The following CAMSAP3 variants were observed in gnomAD, a reference collection of about 807,000 sequenced individuals.
CAMSAP3 encodes calmodulin regulated spectrin associated protein family member 3.
In CAMSAP3, 34 loss-of-function variants were observed where a neutral mutation model predicts 112.5. The observed-to-expected ratio is 0.30, with a 90% CI of 0.23 to 0.40. The LOEUF is 0.40. CAMSAP3 is among the 10% of genes least tolerant of loss of function. The probability of loss-of-function intolerance (pLI) is 1.00; values close to 1 mark genes in which losing one functional copy is unlikely to be tolerated. For missense variants in CAMSAP3, 1,602 were observed against 1,770.3 expected, an observed-to-expected ratio of 0.90 and a Z score of 1.71; for synonymous variants, 868 against 799.8, an observed-to-expected ratio of 1.09 and a Z score of -1.44.
chr19:7,617,849 A>C lies in CAMSAP3; in HGVS notation c.3542A>C (p.Glu1181Ala). Residue 1181 changes from glutamate to alanine, a missense_variant, in exon 17 of 17, where the codon GAG becomes GCG. By Grantham distance (107) the Glu-to-Ala change is moderately radical (BLOSUM62 -1). Coordinates refer to ENST00000160298, the MANE Select transcript of CAMSAP3 (RefSeq NM_020902.2). This position sits in a 1 kb window ranked among gnomAD's most constrained non-coding sequence, Gnocchi z 7.5. ...ALYTLSGETEELSRLAGYGPR... is the reference protein window; with the variant it reads ...ALYTLSGETEALSRLAGYGPR... ...TACACGCTGTCGGGGGAGACAGAGG[A>C]GCTGTCGCGGCTGGCAGGGTATGGG... 1 of 1,613,862 alleles carries C rather than the reference A, an allele frequency of 6.2e-7. No homozygotes were observed. Among genetic ancestry groups the C allele is most frequent in the Non-Finnish European group, 8.5e-7 (1 of 1,180,020 alleles).
chr19:7,610,458 C>T lies in CAMSAP3; in HGVS notation c.761-18C>T, dbSNP rs1599355402. On this transcript the variant is annotated intron_variant, in intron 5 of 16. Coordinates refer to ENST00000160298, the MANE Select transcript of CAMSAP3 (RefSeq NM_020902.2). The surrounding 1 kb of genome is among the most constrained non-coding windows in gnomAD (Gnocchi z 4.9). ...TCCTCCTCATAGAGTTGGGGACCCA[C>T]TCCTCCTGTCCCCACAGAGGTGTGC... is the stretch of plus-strand genomic sequence containing the variant. The T allele has an allele frequency of 6.3e-7, 1 of 1,599,486 alleles. No individual in the cohort carries two copies. Among genetic ancestry groups the T allele is most frequent in the Middle Eastern group, 1.7e-4 (1 of 5,998 alleles).
chr19:7,600,987 C>T (rs954632249), intron 1 of CAMSAP3, among the ~76,000 whole-genome samples: 24 of 150,914 alleles, frequency 1.6e-4, no homozygotes, highest in African/African-American at 5.9e-4. Flanking sequence ...TCCATCCATC[C>T]TAGCTATGTT....
Position 7,607,851 on chromosome 19 carries a change from G to A in CAMSAP3, c.622-275G>A. On this transcript the variant is annotated intron_variant, in intron 4 of 16. Transcript: ENST00000160298. The surrounding 1 kb of genome is among the most constrained non-coding windows in gnomAD (Gnocchi z 4.9). Reference sequence around the variant, plus strand: ...AATTGCCTTCTGTTTGAAGGAGTCGGGGAGCAAACCCCCCATGGTAATGTA... The same window carrying A: ...AATTGCCTTCTGTTTGAAGGAGTCGAGGAGCAAACCCCCCATGGTAATGTA... 1 of 1,375,042 alleles carries A rather than the reference G, an allele frequency of 7.3e-7. No homozygotes were observed. Among genetic ancestry groups the A allele is most frequent in the Non-Finnish European group, 9.9e-7 (1 of 1,012,994 alleles). The allele number at this position is 1,375,042 out of a possible 1,614,324, so 85.2% of individuals were successfully genotyped here.
At chr19:7,613,485 G>A (rs748146784) in intron 11 of CAMSAP3, among the ~76,000 whole-genome samples, 2 of 150,854 alleles carry the variant, frequency 1.3e-5, no homozygotes, top group African/African-American at 4.9e-5. Context: ...GTGCAGTGGG[G>A]TGAGAGGTCC....
At chr19:7,606,450 C>A in intron 3 of CAMSAP3, 26 bp from the exon 4 acceptor site, 1 of 1,608,444 alleles carries the variant, frequency 6.2e-7, no homozygotes, top group South Asian at 1.1e-5. Context: ...AGTGGCCAGA[C>A]CACTGACCCC....
At chr19:7,604,470 T>C (rs147839087) in intron 1 of CAMSAP3, among the ~76,000 whole-genome samples, 127 of 152,068 alleles carry the variant, frequency 8.4e-4, no homozygotes, top group African/African-American at 2.9e-3. Context: ...GCACCCAAGC[T>C]CAGTCATTAC....
At position 7,605,223 on chromosome 19, in the gene CAMSAP3, C is replaced by G. The variant is rs372058041; in HGVS notation, c.149-3C>G. 6.5e-7 allele frequency: 1 copy of G among 1,527,982 alleles called. No individual in the cohort carries two copies. The highest frequency in any genetic ancestry group is 8.8e-7 in the Non-Finnish European group (1 of 1,133,610). The allele number at this position is 1,527,982 out of a possible 1,614,324, so 94.7% of individuals were successfully genotyped here. ...CCCGTGTTTCCCCTCTATGCCCCCA[C>G]AGAGCACGTGCCCCCGGAGCTGTGG... On this transcript the variant is annotated splice_polypyrimidine_tract_variant and splice_region_variant and intron_variant, in intron 1 of 16. Coordinates refer to ENST00000160298, the MANE Select transcript of CAMSAP3 (RefSeq NM_020902.2).
chr19:7,617,516 A>G lies in CAMSAP3; in HGVS notation c.3326-27A>G. ...CCCCTGCTCATTCCTGCTGCCCCCC[A>G]CCCCCTCCCACTGCCTCACCCTCTA... On this transcript the variant is annotated intron_variant, in intron 15 of 16. Transcript: ENST00000160298. The surrounding 1 kb of genome is among the most constrained non-coding windows in gnomAD (Gnocchi z 7.5). 2 of 1,380,720 alleles carry G rather than the reference A, an allele frequency of 1.4e-6. No homozygotes were observed. The highest frequency in any genetic ancestry group is 2.1e-6 in the Non-Finnish European group (2 of 973,434). 85.5% of individuals were successfully genotyped at this position (1,380,720 alleles called of 1,614,324 possible). A position where few individuals can be genotyped will look rare whatever the true frequency, so the allele number is the denominator to read the frequency against.
Position 7,611,916 on chromosome 19 carries a change from C to T in CAMSAP3, c.1423C>T (p.Pro475Ser). Residue 475 changes from proline to serine, a missense_variant, in exon 11 of 17, where the codon CCA becomes TCA. Physicochemically the swap from Pro to Ser is moderately conservative, Grantham distance 74. Transcript: ENST00000160298. This position sits in a 1 kb window ranked among gnomAD's most constrained non-coding sequence, Gnocchi z 6.9. ...CCACAGTGCCGAGCCCCGGCTCCTC[C>T]CAGATGGGGCGGCCGACGGCAGCTT... ...IIHSAEPRLL[P>S]DGAADGSFYL... 1 of 1,587,368 alleles carries T rather than the reference C, an allele frequency of 6.3e-7. No individual in the cohort carries two copies. The highest frequency in any genetic ancestry group is 2.3e-5 in the East Asian group (1 of 44,412).
In CAMSAP3 at chr19:7,610,484, T is replaced by C; in HGVS notation, c.769T>C (p.Leu257=). Residue 257 remains leucine (L), a synonymous_variant, in exon 6 of 17, where the codon TTG becomes CTG. Transcript: ENST00000160298. The surrounding 1 kb of genome is among the most constrained non-coding windows in gnomAD (Gnocchi z 4.9). Reference sequence around the variant, plus strand: ...TCCTCCTGTCCCCACAGAGGTGTGCTTGAAGGACCCCATGTCTGTGGCGGA... The same window carrying C: ...TCCTCCTGTCCCCACAGAGGTGTGCCTGAAGGACCCCATGTCTGTGGCGGA... The part of the protein sequence containing the change: ...PQLLRLEEVC[L]KDPMSVADSL... 1.2e-6 allele frequency: 2 copies of C among 1,612,108 alleles called. No individual in the cohort carries two copies. The highest frequency in any genetic ancestry group is 2.2e-5 in the East Asian group (1 of 44,876).
At position 7,617,474 on chromosome 19, in the gene CAMSAP3, G is replaced by A; in HGVS notation, c.3325+36G>A. 1 of 1,605,390 alleles carries A rather than the reference G, an allele frequency of 6.2e-7. No individual in the cohort carries two copies. Among genetic ancestry groups the A allele is most frequent in the Non-Finnish European group, 8.5e-7 (1 of 1,172,110 alleles). ...GCTCTGGGTGATGTGAGGAGCAACA[G>A]GCACCCTCCTCCACAGCCCCTGCTC... On this transcript the variant is annotated intron_variant, in intron 15 of 16. Transcript: ENST00000160298. The surrounding 1 kb of genome is among the most constrained non-coding windows in gnomAD (Gnocchi z 7.5).
In CAMSAP3 at chr19:7,615,560, C is replaced by T. The variant is rs1309233637; in HGVS notation, c.2953C>T (p.Arg985Trp). The T allele has an allele frequency of 1.3e-6, 2 of 1,518,942 alleles. No individual in the cohort carries two copies. The highest frequency in any genetic ancestry group is 2.1e-5 in the Admixed American group (1 of 47,042). The allele number at this position is 1,518,942 out of a possible 1,614,324, so 94.1% of individuals were successfully genotyped here. A position where few individuals can be genotyped will look rare whatever the true frequency, so the allele number is the denominator to read the frequency against. The part of the protein sequence containing the change: ...GDFTRQEYER[R>W]AQLKLMDDLD... ...CTTCACGCGGCAGGAGTACGAGCGC[C>T]GGGCCCAGCTGAAGCTGATGGACGA... is the stretch of plus-strand genomic sequence containing the variant. Residue 985 changes from arginine (R) to tryptophan (W), a missense_variant, in exon 13 of 17, where the codon CGG becomes TGG. Physicochemically the swap from Arg to Trp is moderately radical, Grantham distance 101. Coordinates refer to ENST00000160298, the MANE Select transcript of CAMSAP3 (RefSeq NM_020902.2). This position sits in a 1 kb window ranked among gnomAD's most constrained non-coding sequence, Gnocchi z 6.5.
intron 14 of CAMSAP3, 75 bp downstream of exon 14, chr19:7,616,697 G>A (rs1478962821): frequency 1.8e-6 from 2 of 1,090,786 alleles, no homozygotes; most frequent in Non-Finnish European, 2.8e-6. Flanking sequence ...TGGGCATCTG[G>A]GTGAACCTAG....
rs765749560 is a variant in CAMSAP3 at position 7,617,461 on chromosome 19, G to A, written c.3325+23G>A. On this transcript the variant is annotated intron_variant, in intron 15 of 16. Coordinates refer to ENST00000160298, the MANE Select transcript of CAMSAP3 (RefSeq NM_020902.2). The surrounding 1 kb of genome is among the most constrained non-coding windows in gnomAD (Gnocchi z 7.5). ...CAGGTAAGCAGGGGCTCTGGGTGAT[G>A]TGAGGAGCAACAGGCACCCTCCTCC... The A allele has an allele frequency of 3.7e-6, 6 of 1,609,866 alleles. No homozygotes were observed. Among genetic ancestry groups the A allele is most frequent in the Non-Finnish European group, 5.1e-6 (6 of 1,176,206 alleles).
intron 13 of CAMSAP3, 58 bp from the exon 14 acceptor site, chr19:7,616,465 G>C (rs807812): frequency 5.0e-6 from 6 of 1,192,270 alleles, no homozygotes; most frequent in Non-Finnish European, 7.5e-6. Flanking sequence ...CTGCTGGACC[G>C]GGTGTTGTGG....
chr19:7,614,259 C>CAAAAAAAAAAAAAAAAAAAAAA (rs1173068955), intron 11 of CAMSAP3, among the ~76,000 whole-genome samples: 3 of 18,766 alleles, frequency 1.6e-4, no homozygotes, highest in African/African-American at 2.6e-4. Flanking sequence ...GACTCCATCT[C>CAAAAAAAAAAAAAAAAAAAAAA]AAAAAAAAAA....
chr19:7,605,896 T>G (rs1438574052), intron 2 of CAMSAP3, among the ~76,000 whole-genome samples: 1 of 149,624 alleles, frequency 6.7e-6, no homozygotes, highest in East Asian at 2.0e-4. Context: ...CTCTGTTCAT[T>G]AAGCCTAGCT....
chr19:7,611,235 T>G lies in CAMSAP3; in HGVS notation c.1123+67T>G. ...CACTCACAGACTGCCCCAGTGGGCC[T>G]CATGTTGTCTCCTCGTGAGCCTTCC... On this transcript the variant is annotated intron_variant, in intron 9 of 16. Coordinates refer to ENST00000160298, the MANE Select transcript of CAMSAP3 (RefSeq NM_020902.2). This position sits in a 1 kb window ranked among gnomAD's most constrained non-coding sequence, Gnocchi z 6.9. 1 of 1,469,002 alleles carries G rather than the reference T, an allele frequency of 6.8e-7. No individual in the cohort carries two copies. The highest frequency in any genetic ancestry group is 9.5e-7 in the Non-Finnish European group (1 of 1,052,294). 91.0% of individuals were successfully genotyped at this position (1,469,002 alleles called of 1,614,324 possible).
Position 7,596,106 on chromosome 19 carries a change from C to A in CAMSAP3, c.104C>A (p.Ala35Glu). ...TACGATTTCTCGCGGGCCAAGGCGG[C>A]GGCCAGCCTGGCGTGGGTGCTGCGG... is the stretch of plus-strand genomic sequence containing the variant. ...DQYDFSRAKA[A>E]ASLAWVLRAA... The change falls in exon 1 of 17, where the codon GCG becomes GAG. Residue 35 changes from alanine to glutamate, a missense_variant. Ala to Glu is a moderately radical substitution (Grantham distance 107). This residue lies in a region of CAMSAP3 where 147 missense variants were observed against 144.6 expected (regional missense o/e 1.02). Transcript: ENST00000160298. 1.6e-6 allele frequency: 2 copies of A among 1,232,138 alleles called. No homozygotes were observed. The highest frequency in any genetic ancestry group is 1.6e-5 in the South Asian group (1 of 64,506). 76.3% of individuals were successfully genotyped at this position (1,232,138 alleles called of 1,614,324 possible). A position where few individuals can be genotyped will look rare whatever the true frequency, so the allele number is the denominator to read the frequency against.
Sources: gnomAD v4.1 joint callset for allele counts (sites outside exome capture counted in the v4.1 genomes callset) on GRCh38, gnomAD v4.1.1 for gene constraint, gnomAD v4.1.1 regional missense constraint, Gnocchi (gnomAD v3.1) non-coding constraint, MANE v1.5 for transcripts, NCBI Gene and HGNC (gene_info 2026-07-23, HGNC 2026-07-21) for gene names.